Variants in TENM1 observed in about 807,000 individuals in gnomAD.
The protein encoded by TENM1 is teneurin-1.
TENM1 carries 35 observed loss-of-function variants against 174.8 expected under a neutral mutation model. That is an observed-to-expected ratio of 0.20 (90% CI 0.15 to 0.27). The LOEUF is 0.27. Among genes scored for constraint, TENM1 ranks in the 10% least tolerant of loss-of-function variants. TENM1 has a pLI of 1.00. For missense variants in TENM1, 1,633 were observed against 2,130.1 expected (o/e 0.77, Z 4.59); for synonymous variants, 781 against 798.7 (o/e 0.98, Z 0.37).
At chrX:125,161,310 G>A in the TENM1 span, among the ~76,000 whole-genome samples, 4 of 111,306 alleles carry the variant, frequency 3.6e-5, no homozygotes, top group East Asian at 2.8e-4. Flanking sequence ...TAATGTAAAC[G>A]TTATAGAAAT....
the TENM1 span, among the ~76,000 whole-genome samples, chrX:124,993,776 CTA>C: frequency 9.1e-6 from 1 of 110,449 alleles, no homozygotes; most frequent in Non-Finnish European, 1.9e-5. Context: ...ATAATATTTA[CTA>C]TATAATTTTA....
chrX:125,044,244 A>G, the TENM1 span, among the ~76,000 whole-genome samples: 1 of 107,362 alleles, frequency 9.3e-6, no homozygotes, highest in South Asian at 4.1e-4. Context: ...GAATATTAAC[A>G]ATTATAAAAT....
intron 3 of TENM1, among the ~76,000 whole-genome samples, chrX:124,840,248 A>G (rs749589074): frequency 8.9e-6 from 1 of 111,841 alleles, no homozygotes; most frequent in South Asian, 3.7e-4. Context: ...AACCACTTAT[A>G]TAAGTTCTTT....
intron 3 of TENM1, among the ~76,000 whole-genome samples, chrX:124,796,476 A>G (rs1316634230): frequency 3.6e-5 from 4 of 111,825 alleles, no homozygotes; most frequent in Non-Finnish European, 7.5e-5. Flanking sequence ...CCTTTGCATT[A>G]TATTTTATGT....
At chrX:125,184,734 T>G in the TENM1 span, among the ~76,000 whole-genome samples, 1 of 111,676 alleles carries the variant, frequency 9.0e-6, no homozygotes, top group African/African-American at 3.3e-5. Context: ...CCTTTTGACT[T>G]TTTTACAGCT....
At chrX:124,544,161 A>G (rs761172490) in intron 15 of TENM1, among the ~76,000 whole-genome samples, 1 of 112,827 alleles carries the variant, frequency 8.9e-6, no homozygotes, top group Non-Finnish European at 1.9e-5. Context: ...TGATTATGGC[A>G]CATAAGTGTC....
intron 1 of TENM1, among the ~76,000 whole-genome samples, chrX:124,951,659 T>TAC: frequency 1.7e-5 from 1 of 58,031 alleles, no homozygotes; most frequent in East Asian, 6.1e-4. Context: ...TATATATATA[T>TAC]ATATATATAT....
chrX:124,555,379 T>G (rs150545394), intron 14 of TENM1, among the ~76,000 whole-genome samples: 1,170 of 111,892 alleles, frequency 0.01, 20 homozygotes, highest in African/African-American at 0.036. Flanking sequence ...ATTATAAAAT[T>G]TTTCTAGCAC....
chrX:125,031,644 T>C, the TENM1 span, among the ~76,000 whole-genome samples: 1 of 112,323 alleles, frequency 8.9e-6, no homozygotes, highest in East Asian at 2.8e-4. Context: ...GGTCAGATTA[T>C]ATTGAGTTAA....
chrX:124,898,183 A>G (rs1390177498), intron 1 of TENM1, among the ~76,000 whole-genome samples: 2 of 111,384 alleles, frequency 1.8e-5, no homozygotes, highest in African/African-American at 6.5e-5. Flanking sequence ...GTGCCTTCCA[A>G]TTTAAGTTTC....
intron 22 of TENM1, among the ~76,000 whole-genome samples, chrX:124,459,889 A>T (rs1292861036): frequency 9.1e-6 from 1 of 109,924 alleles, no homozygotes; most frequent in Non-Finnish European, 1.9e-5. Flanking sequence ...AAAGAAAAAA[A>T]CAAACAACCC....
At chrX:124,603,307 A>C (rs1325620977) in intron 11 of TENM1, among the ~76,000 whole-genome samples, 1 of 112,104 alleles carries the variant, frequency 8.9e-6, no homozygotes, top group Non-Finnish European at 1.9e-5. Flanking sequence ...TGTAGTTATC[A>C]AGACCTCATG....
chrX:124,862,165 C>T (rs1414823146), intron 3 of TENM1, among the ~76,000 whole-genome samples: 1 of 111,952 alleles, frequency 8.9e-6, no homozygotes, highest in Non-Finnish European at 1.9e-5. Context: ...CACATATAAA[C>T]AAAGCCTTTA....
At chrX:124,935,154 C>T (rs1419687359) in intron 1 of TENM1, among the ~76,000 whole-genome samples, 1 of 106,760 alleles carries the variant, frequency 9.4e-6, no homozygotes, top group African/African-American at 3.4e-5. Context: ...CAGTTCACTT[C>T]TCCCTGAGTC....
At chrX:124,790,363 C>T (rs1203707536) in intron 3 of TENM1, among the ~76,000 whole-genome samples, 2 of 112,356 alleles carry the variant, frequency 1.8e-5, no homozygotes, top group Non-Finnish European at 3.8e-5. Context: ...TGTGGTTGTA[C>T]TTTGTCATAT....
At chrX:124,449,980 T>TAA (rs1294302102) in intron 23 of TENM1, among the ~76,000 whole-genome samples, 1 of 110,372 alleles carries the variant, frequency 9.1e-6, no homozygotes, top group African/African-American at 3.3e-5. Context: ...TTTTACTTAC[T>TAA]AATATGGTTT....
chrX:124,422,242 G>A (rs1479041386), intron 24 of TENM1, 30 bp downstream of exon 27: 1 of 1,181,020 alleles, frequency 8.5e-7, no homozygotes, highest in South Asian at 1.9e-5. Flanking sequence ...ACAGAGAGGG[G>A]AAGCTGGTGA....
the TENM1 span, among the ~76,000 whole-genome samples, chrX:125,037,766 T>C: frequency 9.0e-6 from 1 of 111,469 alleles, no homozygotes; most frequent in African/African-American, 3.3e-5. Context: ...CTTAGCCAAG[T>C]TGTATACAAT....
rs761348190 is a variant in TENM1, at chrX:124,481,695, G to GTATATA, written c.3949+31_3949+36dup. ...AATAAAATCTTTAGATGACCCAAGG[G>GTATATA]TATATATATATATATATTTATTTAT... On this transcript the variant is annotated intron_variant, in intron 22 of 31. Transcript: ENST00000422452. The GTATATA allele has an allele frequency of 0.13, 33,395 of 256,451 alleles. 2,437 individuals carry two copies. Among genetic ancestry groups the GTATATA allele is most frequent in the African/African-American group, 0.36 (9,912 of 27,669 alleles). The allele number at this position is 256,451 out of a possible 1,213,427, so 21.1% of individuals were successfully genotyped here. A position where few individuals can be genotyped will look rare whatever the true frequency, so the allele number is the denominator to read the frequency against.
Sources: gnomAD v4.1 joint callset for allele counts (sites outside exome capture counted in the v4.1 genomes callset) on GRCh38, gnomAD v4.1.1 for gene constraint, MANE v1.5 for transcripts, NCBI Gene and HGNC (gene_info 2026-07-23, HGNC 2026-07-21) for gene names.